CLPX: variants seen among roughly 807,000 people sequenced by gnomAD.
CLPX encodes caseinolytic mitochondrial matrix peptidase chaperone subunit X, also known as ATP-dependent clpX-like chaperone, mitochondrial.
CLPX carries 34 observed loss-of-function variants against 76.4 expected under a neutral mutation model. The observed-to-expected ratio is 0.45, with a 90% confidence interval of 0.34 to 0.59. The LOEUF is 0.59. CLPX is among the 20% of genes least tolerant of loss of function. The pLI is 0.01. For missense variants in CLPX, 613 were observed against 757.0 expected (o/e 0.81, Z 2.23); for synonymous variants, 248 against 270.9 (o/e 0.92, Z 0.83).
intron 6 of CLPX, among the ~76,000 whole-genome samples, chr15:65,161,744 A>G (rs757157135): frequency 6.6e-6 from 1 of 152,162 alleles, no homozygotes; most frequent in Non-Finnish European, 1.5e-5. Flanking sequence ...TTTAGATTTT[A>G]CATTCTTATA....
chr15:65,153,044 C>T (rs1036182435), intron 12 of CLPX, among the ~76,000 whole-genome samples: 15 of 151,898 alleles, frequency 9.9e-5, no homozygotes, highest in African/African-American at 2.9e-4. Context: ...TTACCAGGCC[C>T]GATCCCGATT....
chr15:65,175,784 C>T (rs112682168), intron 3 of CLPX, among the ~76,000 whole-genome samples: 39 of 152,108 alleles, frequency 2.6e-4, no homozygotes, highest in Non-Finnish European at 5.3e-4. Context: ...TCAAATAAAA[C>T]TCTCTTTAGG....
chr15:65,149,423 C>T lies in CLPX; in HGVS notation c.*1400G>A. 7.7e-6 allele frequency: 2 copies of T among 260,974 alleles called. No homozygotes were observed. The highest frequency in any genetic ancestry group is 7.2e-5 in the South Asian group (2 of 27,786). The allele number at this position is 260,974 out of a possible 1,614,324, so 16.2% of individuals were successfully genotyped here. ...CTGGGACTCAGAGGTTGCAGTGAGC[C>T]AAGATTGTGGCACTGTACTCCAGCC... On this transcript the variant is annotated 3_prime_UTR_variant, in exon 14 of 14. Coordinates refer to ENST00000300107, the MANE Select transcript of CLPX (RefSeq NM_006660.5).
rs906903475 is a variant in CLPX, at chr15:65,164,249, A to T, written c.514-61T>A. ...GCTATTATAAGAGCACACACATTAAAAAGTTATTTACTAAGCATATTTGCT... is the reference window on the plus strand; with the variant it reads ...GCTATTATAAGAGCACACACATTAATAAGTTATTTACTAAGCATATTTGCT... On this transcript the variant is annotated intron_variant, in intron 4 of 13. Transcript: ENST00000300107. 2.9e-6 allele frequency: 4 copies of T among 1,362,924 alleles called. No individual in the cohort carries two copies. In the Admixed American group the frequency reaches 8.5e-5, roughly 29 times the overall value. 84.4% of individuals were successfully genotyped at this position (1,362,924 alleles called of 1,614,324 possible).
At position 65,164,149 on chromosome 15, in the gene CLPX, A is replaced by C; in HGVS notation, c.553T>G (p.Phe185Val). 5.0e-6 allele frequency: 8 copies of C among 1,612,628 alleles called. No homozygotes were observed. The highest frequency in any genetic ancestry group is 6.8e-6 in the Non-Finnish European group (8 of 1,179,236). ...GCAACTGAAAGCACCTTCTTAGCAA[A>C]TGACTGGCCAACAACATACTTGTCG... ...YLDKYVVGQS[F>V]AKKVLSVAVY... The change falls in exon 5 of 14, where the codon TTT (phenylalanine) becomes GTT (valine). Residue 185 changes from phenylalanine to valine, a missense_variant. Physicochemically the swap from Phe to Val is conservative, Grantham distance 50. Around this residue, in one of 2 missense-constraint regions of CLPX, gnomAD observed 450 missense variants for 638.6 expected, o/e 0.70. Coordinates refer to ENST00000300107, the MANE Select transcript of CLPX (RefSeq NM_006660.5).
intron 3 of CLPX, among the ~76,000 whole-genome samples, chr15:65,176,829 T>C (rs2088096943): frequency 6.6e-6 from 1 of 151,846 alleles, no homozygotes; most frequent in Non-Finnish European, 1.5e-5. Flanking sequence ...GCCTCACCTC[T>C]GGTGATCTGC....
At chr15:65,168,980 CCT>C (rs2087959541) in intron 3 of CLPX, among the ~76,000 whole-genome samples, 1 of 151,478 alleles carries the variant, frequency 6.6e-6, no homozygotes, top group African/African-American at 2.4e-5. Flanking sequence ...CCTCAGCCTC[CCT>C]GAGTATCCAG....
chr15:65,174,843 C>G (rs11637668), intron 3 of CLPX, among the ~76,000 whole-genome samples: 2 of 152,120 alleles, frequency 1.3e-5, no homozygotes, highest in Non-Finnish European at 2.9e-5. Context: ...ATAAGTAGGC[C>G]TGAGCAATTC....
rs376946945 is a variant in CLPX at position 65,162,421 on chromosome 15, CT to C, written c.715+182del. Among the ~76,000 whole-genome samples the C allele has an allele frequency of 4.3e-3, 650 of 152,226 alleles. 6 individuals are homozygous for C. The highest frequency in any genetic ancestry group is 0.015 in the African/African-American group (626 of 41,538). On this transcript the variant is annotated intron_variant, in intron 6 of 13. Transcript: ENST00000300107. Reference sequence around the variant, plus strand: ...AACATATGGAAACGACACAAATTAGCTATGAAAAACTATTCCAAAGTTATAT... The same window carrying C: ...AACATATGGAAACGACACAAATTAGCATGAAAAACTATTCCAAAGTTATAT...
intron 6 of CLPX, among the ~76,000 whole-genome samples, chr15:65,162,061 C>A (rs1029092651): frequency 6.6e-6 from 1 of 152,078 alleles, no homozygotes; most frequent in African/African-American, 2.4e-5. Flanking sequence ...ACCCCTGGAA[C>A]CTCCACCCTC....
intron 1 of CLPX, among the ~76,000 whole-genome samples, chr15:65,183,460 C>CAAAAAAAAAAAAAAAAAAAA (rs61002905): frequency 1.5e-5 from 1 of 66,268 alleles, no homozygotes. Context: ...GACTCTGTCT[C>CAAAAAAAAAAAAAAAAAAAA]AAAAAAAAAA....
At chr15:65,157,987 AT>A in intron 7 of CLPX, 77 bp from the exon 8 acceptor site, 1 of 1,270,518 alleles carries the variant, frequency 7.9e-7, no homozygotes, top group Non-Finnish European at 1.1e-6. Flanking sequence ...TGCAAAATAA[AT>A]TTTAGTAGTA....
At chr15:65,176,381 A>AT (rs1364244153) in intron 3 of CLPX, among the ~76,000 whole-genome samples, 2 of 152,192 alleles carry the variant, frequency 1.3e-5, no homozygotes, top group Non-Finnish European at 2.9e-5. Context: ...GAAATGTATG[A>AT]TATAGGAATT....
chr15:65,177,464 T>C (rs1434869419), intron 3 of CLPX, among the ~76,000 whole-genome samples: 4 of 152,190 alleles, frequency 2.6e-5, no homozygotes, highest in African/African-American at 9.7e-5. Flanking sequence ...TTCCAGTACA[T>C]AAAAACACAC....
rs2087708184 is a variant in CLPX, at chr15:65,150,677, A to G, written c.*146T>C. 1 of 476,646 alleles carries G rather than the reference A, an allele frequency of 2.1e-6. No homozygotes were observed. Among genetic ancestry groups the G allele is most frequent in the South Asian group, 5.7e-5 (1 of 17,408 alleles). The allele number at this position is 476,646 out of a possible 1,614,324, so 29.5% of individuals were successfully genotyped here. On this transcript the variant is annotated 3_prime_UTR_variant, in exon 14 of 14. Coordinates refer to ENST00000300107, the MANE Select transcript of CLPX (RefSeq NM_006660.5). ...TCAATGTGATGTTACAATTATATAC[A>G]TGATCTGATTCTTCTCCTAAAGGCT...
In CLPX at chr15:65,178,913, AG is replaced by A. The variant is rs1566986847; in HGVS notation, c.358+20del. The stretch of plus-strand genomic sequence containing the variant: ...ACAGAAAATGTAGGGAAAAAAGAAC[AG>A]TAGAAGATGTAATACTTACATACAA... On this transcript the variant is annotated intron_variant, in intron 3 of 13. Coordinates refer to ENST00000300107, the MANE Select transcript of CLPX (RefSeq NM_006660.5). 13 of 1,264,944 alleles carry A rather than the reference AG, an allele frequency of 1.0e-5. No individual in the cohort carries two copies. Among genetic ancestry groups the A allele is most frequent in the Non-Finnish European group, 1.1e-5 (10 of 891,718 alleles). 78.4% of individuals were successfully genotyped at this position (1,264,944 alleles called of 1,614,324 possible). A position where few individuals can be genotyped will look rare whatever the true frequency, so the allele number is the denominator to read the frequency against.
intron 5 of CLPX, among the ~76,000 whole-genome samples, chr15:65,163,771 G>A (rs1414233757): frequency 1.3e-5 from 2 of 152,120 alleles, no homozygotes; most frequent in African/African-American, 4.8e-5. Context: ...ACCGGCATAA[G>A]CCACCATGCC....
intron 8 of CLPX, among the ~76,000 whole-genome samples, chr15:65,157,159 A>C (rs2087800456): frequency 6.6e-6 from 1 of 152,120 alleles, no homozygotes; most frequent in African/African-American, 2.4e-5. Flanking sequence ...TGGTAACAAA[A>C]TCTCCTTGAC....
intron 1 of CLPX, among the ~76,000 whole-genome samples, chr15:65,183,252 G>A (rs1356395829): frequency 6.6e-6 from 1 of 151,750 alleles, no homozygotes; most frequent in Non-Finnish European, 1.5e-5. Flanking sequence ...CACAAGATCA[G>A]GAGATCGAGA....
Sources: gnomAD v4.1 joint callset for allele counts (sites outside exome capture counted in the v4.1 genomes callset) on GRCh38, gnomAD v4.1.1 for gene constraint, gnomAD v4.1.1 regional missense constraint, MANE v1.5 for transcripts, NCBI Gene and HGNC (gene_info 2026-07-23, HGNC 2026-07-21) for gene names.